SAMD12: variants seen among roughly 807,000 people sequenced by gnomAD.
SAMD12 encodes sterile alpha motif domain-containing protein 12.
A neutral mutation model predicts 15.0 loss-of-function variants in SAMD12; 9 were observed. The ratio of observed to expected loss-of-function variants is 0.60; its 90% CI spans 0.36 to 1.05. The LOEUF (loss-of-function observed/expected upper bound fraction) is 1.05, where lower values mean the gene tolerates loss of function less well. SAMD12 is among the 50% of genes least tolerant of loss of function. SAMD12 has a pLI of 0.01. For missense variants in SAMD12, 230 were observed against 234.2 expected (o/e 0.98, Z 0.12); for synonymous variants, 86 against 90.1 (o/e 0.96, Z 0.25).
intron 2 of SAMD12, among the ~76,000 whole-genome samples, chr8:118,491,082 AG>A (rs1439817408): frequency 6.6e-6 from 1 of 152,142 alleles, no homozygotes; most frequent in Non-Finnish European, 1.5e-5. Flanking sequence ...GACTATACCC[AG>A]ACTGGTGCCT....
Position 118,302,268 on chromosome 8 carries a change from T to C in SAMD12, c.433+77292A>G, listed in dbSNP as rs192015081. On this transcript the variant is annotated intron_variant, in intron 4 of 4. Coordinates refer to the SAMD12 transcript ENST00000409003. Reference sequence around the variant, plus strand: ...TGAATTGTTAAGGTCGCATCTTGTATTGTGAACAGTAGCATCTCGAATTTG... The same window carrying C: ...TGAATTGTTAAGGTCGCATCTTGTACTGTGAACAGTAGCATCTCGAATTTG... 2.5e-4 allele frequency among the ~76,000 whole-genome samples: 38 copies of C among 152,186 alleles called. No individual in the cohort carries two copies. The East Asian group carries it at 7.0e-3, about 28-fold the overall frequency.
chr8:118,136,573 A>C, the SAMD12 span, among the ~76,000 whole-genome samples: 1 of 152,212 alleles, frequency 6.6e-6, no homozygotes, highest in Non-Finnish European at 1.5e-5. Flanking sequence ...TTAGATGGGA[A>C]AGAAATCAAG....
At chr8:118,218,785 G>A (rs1002501993) in intron 4 of SAMD12, among the ~76,000 whole-genome samples, 2 of 151,836 alleles carry the variant, frequency 1.3e-5, no homozygotes, top group African/African-American at 2.4e-5. Context: ...TAGACACTTA[G>A]CTTGATTCCA....
rs76957188 is a variant in SAMD12 at position 118,273,665 on chromosome 8, A to C, written c.434-75933T>G. Among the ~76,000 whole-genome samples, 199 of 152,316 alleles carry C rather than the reference A, an allele frequency of 1.3e-3. 5 individuals carry two copies. The East Asian group carries it at 0.035, about 27-fold the overall frequency. On this transcript the variant is annotated intron_variant, in intron 4 of 4. Coordinates refer to the SAMD12 transcript ENST00000409003. ...CATTGGATAAGGATTGTTGTGAAAC[A>C]GACTGTCAATACATGGCCTTAAAGG...
intron 2 of SAMD12, among the ~76,000 whole-genome samples, chr8:118,464,149 A>C (rs1259536935): frequency 6.6e-6 from 1 of 152,186 alleles, no homozygotes; most frequent in Non-Finnish European, 1.5e-5. Context: ...AAAATAAATA[A>C]ATAAATAAAC....
At chr8:118,469,818 C>G (rs1002464693) in intron 2 of SAMD12, among the ~76,000 whole-genome samples, 7 of 151,620 alleles carry the variant, frequency 4.6e-5, no homozygotes, top group African/African-American at 1.7e-4. Context: ...CTGCCTCAGC[C>G]TCCCAAAGTG....
chr8:118,257,488 G>C (rs1563718593), intron 4 of SAMD12, among the ~76,000 whole-genome samples: 1 of 152,026 alleles, frequency 6.6e-6, no homozygotes, highest in Non-Finnish European at 1.5e-5. Context: ...TCTTGACTCT[G>C]GTCAGGTCAG....
At chr8:118,311,181 C>G (rs187592814) in intron 4 of SAMD12, among the ~76,000 whole-genome samples, 1 of 152,308 alleles carries the variant, frequency 6.6e-6, no homozygotes, top group African/African-American at 2.4e-5. Flanking sequence ...AAATCTGCAG[C>G]CTTCGAAATC....
chr8:118,581,678 T>A (rs966469899), intron 1 of SAMD12, among the ~76,000 whole-genome samples: 11 of 152,290 alleles, frequency 7.2e-5, no homozygotes, highest in African/African-American at 2.6e-4. Flanking sequence ...TGAGCCCCCC[T>A]ATGTACCCTG....
chr8:118,567,325 T>TA (rs989346072), intron 2 of SAMD12, among the ~76,000 whole-genome samples: 22 of 151,144 alleles, frequency 1.5e-4, no homozygotes, highest in Admixed American at 6.6e-4. Context: ...TTCTGCTTGA[T>TA]AAAAAAACGC....
the SAMD12 span, among the ~76,000 whole-genome samples, chr8:118,164,511 T>G: frequency 3.3e-5 from 5 of 152,144 alleles, no homozygotes; most frequent in Non-Finnish European, 5.9e-5. Flanking sequence ...CTCTCTGGTT[T>G]TAGTTTATTT....
At chr8:118,541,380 C>A (rs1388616703) in intron 2 of SAMD12, among the ~76,000 whole-genome samples, 6 of 152,168 alleles carry the variant, frequency 3.9e-5, no homozygotes, top group Non-Finnish European at 8.8e-5. Flanking sequence ...ATACCTTGGG[C>A]AAGTCATTGG....
At chr8:118,612,103 C>G (rs1042136081) in intron 1 of SAMD12, among the ~76,000 whole-genome samples, 3 of 152,192 alleles carry the variant, frequency 2.0e-5, no homozygotes, top group East Asian at 1.9e-4. Flanking sequence ...TCAGGCTTCA[C>G]GAGATGGAGT....
intron 2 of SAMD12, among the ~76,000 whole-genome samples, chr8:118,502,406 G>A (rs1824810791): frequency 6.6e-6 from 1 of 152,074 alleles, no homozygotes; most frequent in South Asian, 2.1e-4. Context: ...TCTGCATGTT[G>A]TTTCCCTGAT....
intron 2 of SAMD12, among the ~76,000 whole-genome samples, chr8:118,442,282 GAATT>G (rs1822786976): frequency 6.6e-6 from 1 of 152,208 alleles, no homozygotes; most frequent in African/African-American, 2.4e-5. Context: ...TTAAGTGAAT[GAATT>G]AATGAAATGA....
At chr8:118,429,142 T>C (rs1440559750) in intron 3 of SAMD12, among the ~76,000 whole-genome samples, 1 of 152,212 alleles carries the variant, frequency 6.6e-6, no homozygotes, top group African/African-American at 2.4e-5. Context: ...TGTGTAGTCT[T>C]AGATATATTT....
In SAMD12 at chr8:118,572,239, A is replaced by G. The variant is rs188217047; in HGVS notation, c.192+8476T>C. ...CCATTTGGAATGGCTGTATTTACCC[A>G]ATGCCTGTCCCCCTGTAGGAAGTAA... On this transcript the variant is annotated intron_variant, in intron 2 of 3. Coordinates refer to ENST00000314727, the MANE Select transcript of SAMD12 (RefSeq NM_207506.3). Among the ~76,000 whole-genome samples, 263 of 152,260 alleles carry G rather than the reference A, an allele frequency of 1.7e-3. 1 individual carries two copies. The highest frequency in any genetic ancestry group is 5.2e-3 in the African/African-American group (215 of 41,546).
chr8:118,538,103 T>G (rs1178220088), intron 2 of SAMD12, among the ~76,000 whole-genome samples: 1 of 152,198 alleles, frequency 6.6e-6, no homozygotes, highest in East Asian at 1.9e-4. Flanking sequence ...TTCCCTGGAT[T>G]ACCAGGAAAG....
At chr8:118,444,495 T>G (rs1376322950) in intron 2 of SAMD12, among the ~76,000 whole-genome samples, 1 of 152,124 alleles carries the variant, frequency 6.6e-6, no homozygotes, top group Non-Finnish European at 1.5e-5. Flanking sequence ...ACTAACTTTA[T>G]GCAAAATACA....
Sources: gnomAD v4.1 joint callset for allele counts (sites outside exome capture counted in the v4.1 genomes callset) on GRCh38, gnomAD v4.1.1 for gene constraint, MANE v1.5 for transcripts, NCBI Gene and HGNC (gene_info 2026-07-23, HGNC 2026-07-21) for gene names.